Variants in UNC13B observed in about 807,000 individuals in gnomAD.
UNC13B encodes the protein unc-13 homolog B.
Under a neutral mutation model 211.0 loss-of-function variants are expected in UNC13B, and 144 were observed. The observed-to-expected ratio is 0.68, with a 90% CI of 0.60 to 0.78. The LOEUF is 0.78. Ranked by LOEUF, UNC13B falls within the 30% of genes least tolerant of loss-of-function variation. The pLI is 0.00. For synonymous variants in UNC13B, 709 were observed against 725.8 expected, an observed-to-expected ratio of 0.98 and a Z score of 0.37; for missense variants, 1,777 against 2,002.0, an observed-to-expected ratio of 0.89 and a Z score of 2.14.
intron 22 of UNC13B, 76 bp downstream of exon 22, chr9:35,384,390 C>G: frequency 6.5e-7 from 1 of 1,541,476 alleles, no homozygotes; most frequent in Non-Finnish European, 8.8e-7. Flanking sequence ...CCAATCTTGG[C>G]TATAAAGATT....
At chr9:35,376,283 G>A (rs1169681184) in intron 15 of UNC13B, 36 bp downstream of exon 15, 3 of 1,599,724 alleles carry the variant, frequency 1.9e-6, no homozygotes, top group Admixed American at 3.3e-5. Context: ...GGGGAGTGGG[G>A]CAGCAGGGGC....
chr9:35,367,013 G>A lies in UNC13B; in HGVS notation c.9461+20G>A. ...GGAAGGGTAAGTAATTCACTGCAAGGTTTCTGTGGATTTTATTCAGTATCT... is the reference window on the plus strand; with the variant it reads ...GGAAGGGTAAGTAATTCACTGCAAGATTTCTGTGGATTTTATTCAGTATCT... On this transcript the variant is annotated intron_variant, in intron 12 of 39. Transcript: ENST00000635942. The A allele has an allele frequency of 6.2e-7, 1 of 1,609,416 alleles. No homozygotes were observed. The highest frequency in any genetic ancestry group is 8.5e-7 in the Non-Finnish European group (1 of 1,175,764).
rs144465049 is a variant in UNC13B at position 35,217,142 on chromosome 9, C to T, written c.23-10873C>T. Among the ~76,000 whole-genome samples, 605 of 152,244 alleles carry T rather than the reference C, an allele frequency of 4.0e-3. 2 individuals are homozygous for T. The highest frequency in any genetic ancestry group is 5.4e-3 in the Admixed American group (82 of 15,296). The stretch of plus-strand genomic sequence containing the variant: ...ATATGTGATAAATAGCACAGAACTA[C>T]GCACACACATCAGGTTTTTTCTTTT... On this transcript the variant is annotated intron_variant, in intron 1 of 39. Transcript: ENST00000635942.
At chr9:35,333,971 T>G (rs946338773) in intron 11 of UNC13B, among the ~76,000 whole-genome samples, 14 of 151,972 alleles carry the variant, frequency 9.2e-5, no homozygotes, top group African/African-American at 2.7e-4. Context: ...TTTGTTTTTT[T>G]TTTTGTTTTT....
In UNC13B at chr9:35,311,345, A is replaced by G. The variant is rs893543423; in HGVS notation, c.9323+564A>G. 3.9e-5 allele frequency among the ~76,000 whole-genome samples: 6 copies of G among 152,194 alleles called. No homozygotes were observed. The East Asian group carries it at 1.2e-3, about 29-fold the overall frequency. On this transcript the variant is annotated intron_variant, in intron 10 of 39. Transcript: ENST00000635942. ...TTGAGTCTGCAGTTCATAGCTTACT[A>G]GTTGACCTTGTATATGGCAGCCTCT...
chr9:35,378,553 T>C, intron 17 of UNC13B, 117 bp downstream of exon 17: 1 of 1,329,850 alleles, frequency 7.5e-7, no homozygotes, highest in East Asian at 2.3e-5. Context: ...AGAAAACTCA[T>C]TTCTCGCATG....
intron 1 of UNC13B, among the ~76,000 whole-genome samples, chr9:35,171,590 A>G (rs1398674063): frequency 6.6e-6 from 1 of 151,930 alleles, no homozygotes; most frequent in Non-Finnish European, 1.5e-5. Context: ...TTTTTTGTAG[A>G]GATGGGTCTC....
Position 35,300,609 on chromosome 9 carries a change from A to T in UNC13B, c.1205A>T (p.Asn402Ile). The stretch of plus-strand genomic sequence containing the variant: ...CAGTCACCAACATGGCATTCATCCA[A>T]TGTCCACCATATTGGAGATTTTCCT... ...NLQSPTWHSS[N>I]VHHIGDFPEE... is the part of the protein sequence containing the mutation. The change falls in exon 9 of 40, where the codon AAT (asparagine) becomes ATT (isoleucine). Residue 402 changes from asparagine to isoleucine, a missense_variant. Coordinates refer to ENST00000635942, the MANE Select transcript of UNC13B (RefSeq NM_001371189.2). 2.5e-6 allele frequency: 1 copy of T among 399,028 alleles called. No individual in the cohort carries two copies. Among genetic ancestry groups the T allele is most frequent in the Non-Finnish European group, 4.4e-6 (1 of 226,024 alleles). The allele number at this position is 399,028 out of a possible 1,614,324, so 24.7% of individuals were successfully genotyped here. A position where few individuals can be genotyped will look rare whatever the true frequency, so the allele number is the denominator to read the frequency against.
intron 1 of UNC13B, among the ~76,000 whole-genome samples, chr9:35,163,995 A>G (rs1235012551): frequency 6.6e-6 from 1 of 152,178 alleles, no homozygotes; most frequent in Non-Finnish European, 1.5e-5. Context: ...ACAGAAATGA[A>G]TTGAAATACA....
chr9:35,361,151 GAGT>G (rs1833387590), intron 11 of UNC13B: 2 of 152,164 alleles, frequency 1.3e-5, no homozygotes, highest in Non-Finnish European at 2.9e-5. Flanking sequence ...ATACTGAGGG[GAGT>G]GCTGATGAGG....
intron 1 of UNC13B, among the ~76,000 whole-genome samples, chr9:35,193,802 A>G (rs1012221048): frequency 2.0e-5 from 3 of 152,184 alleles, no homozygotes; most frequent in Admixed American, 1.3e-4. Context: ...CAGAAGCAGC[A>G]TGAAGCCTGG....
intron 26 of UNC13B, among the ~76,000 whole-genome samples, chr9:35,392,159 G>A (rs553026002): frequency 2.0e-5 from 3 of 152,262 alleles, no homozygotes; most frequent in Non-Finnish European, 4.4e-5. Flanking sequence ...ATGAAGTACT[G>A]AGATGTATTT....
intron 37 of UNC13B, among the ~76,000 whole-genome samples, chr9:35,402,170 G>A (rs1408118470): frequency 1.3e-5 from 2 of 152,156 alleles, no homozygotes; most frequent in Non-Finnish European, 2.9e-5. Flanking sequence ...AGCCCAGGAA[G>A]GGGTTCTGTT....
chr9:35,397,431 C>T (rs1835958782), intron 29 of UNC13B, 121 bp downstream of exon 29: 2 of 1,476,166 alleles, frequency 1.4e-6, no homozygotes, highest in Non-Finnish European at 1.8e-6. Context: ...GACCCCCATT[C>T]TCCTTTGCTG....
At chr9:35,355,353 A>G (rs1832961789) in intron 11 of UNC13B, among the ~76,000 whole-genome samples, 1 of 152,354 alleles carries the variant, frequency 6.6e-6, no homozygotes, top group African/African-American at 2.4e-5. Flanking sequence ...TTTAATTTTT[A>G]GAATTTGAAT....
chr9:35,329,613 T>C (rs1030567462), intron 11 of UNC13B, among the ~76,000 whole-genome samples: 18 of 151,718 alleles, frequency 1.2e-4, no homozygotes, highest in African/African-American at 4.1e-4. Context: ...CCAGCCTCCC[T>C]AGTAGCTGGG....
chr9:35,168,862 A>G (rs750197011), intron 1 of UNC13B, among the ~76,000 whole-genome samples: 4 of 151,952 alleles, frequency 2.6e-5, no homozygotes, highest in Non-Finnish European at 5.9e-5. Context: ...TTGTAGAGAC[A>G]GGGTTTTGCT....
intron 1 of UNC13B, among the ~76,000 whole-genome samples, chr9:35,215,565 T>A (rs914629543): frequency 1.2e-4 from 18 of 152,308 alleles, no homozygotes; most frequent in Middle Eastern, 6.8e-3. Flanking sequence ...AAGGTTGTGT[T>A]TTTTTTCTGG....
At chr9:35,166,254 C>T (rs898356683) in intron 1 of UNC13B, among the ~76,000 whole-genome samples, 5 of 151,952 alleles carry the variant, frequency 3.3e-5, no homozygotes, top group Admixed American at 3.3e-4. Flanking sequence ...TGGTGGTGCT[C>T]ACCTGTAATC....
Sources: gnomAD v4.1 joint callset for allele counts (sites outside exome capture counted in the v4.1 genomes callset) on GRCh38, gnomAD v4.1.1 for gene constraint, MANE v1.5 for transcripts, NCBI Gene and HGNC (gene_info 2026-07-23, HGNC 2026-07-21) for gene names.